ADGRV1: variants seen among roughly 807,000 people sequenced by gnomAD.
ADGRV1 encodes adhesion G protein-coupled receptor V1, also known as G-protein coupled receptor 98.
A neutral mutation model predicts 596.2 loss-of-function variants in ADGRV1; 359 were observed. The ratio of observed to expected loss-of-function variants is 0.60; its 90% CI spans 0.55 to 0.66. ADGRV1 has a LOEUF of 0.66. Among genes scored for constraint, ADGRV1 ranks in the 30% least tolerant of loss-of-function variants. ADGRV1 has a pLI of 0.00. For missense variants in ADGRV1, 7,274 were observed against 7,575.6 expected, an observed-to-expected ratio of 0.96 and a Z score of 1.48; for synonymous variants, 2,681 against 2,679.2, an observed-to-expected ratio of 1.00 and a Z score of -0.02.
chr5:90,596,095 T>C (rs1760503520), intron 1 of ADGRV1, among the ~76,000 whole-genome samples: 1 of 144,120 alleles, frequency 6.9e-6, no homozygotes, highest in African/African-American at 2.7e-5. Flanking sequence ...GCAGAGACGC[T>C]CCTCAACTCC....
intron 78 of ADGRV1, among the ~76,000 whole-genome samples, chr5:90,845,416 G>GT (rs1200272370): frequency 2.0e-4 from 30 of 151,264 alleles, no homozygotes; most frequent in East Asian, 1.2e-3. Flanking sequence ...AAGAAACTTT[G>GT]TTTTTTTTTA....
At chr5:90,724,753 CATT>C in intron 45 of ADGRV1, 76 bp from the exon 46 acceptor site, 1 of 1,294,110 alleles carries the variant, frequency 7.7e-7, no homozygotes, top group Non-Finnish European at 1.1e-6. Context: ...GCACTTGTCT[CATT>C]GTTTAAACAA....
chr5:90,898,341 G>A (rs753148504), intron 83 of ADGRV1, among the ~76,000 whole-genome samples: 2 of 152,074 alleles, frequency 1.3e-5, no homozygotes, highest in Non-Finnish European at 2.9e-5. Flanking sequence ...GAGGATCCTG[G>A]CAATTTCAGT....
At chr5:91,035,861 T>TTATATATATA (rs1554202360) in intron 85 of ADGRV1, among the ~76,000 whole-genome samples, 1 of 96,400 alleles carries the variant, frequency 1.0e-5, no homozygotes, top group African/African-American at 3.8e-5. Context: ...TATATATATA[T>TTATATATATA]TATATATATA....
chr5:90,732,091 CAT>C (rs1429519606), intron 50 of ADGRV1, among the ~76,000 whole-genome samples: 1 of 152,122 alleles, frequency 6.6e-6, no homozygotes, highest in Non-Finnish European at 1.5e-5. Flanking sequence ...GCCTTGAACA[CAT>C]GAGTTCAAGC....
chr5:90,946,520 C>T (rs958319009), intron 83 of ADGRV1, among the ~76,000 whole-genome samples: 3 of 152,002 alleles, frequency 2.0e-5, no homozygotes, highest in Non-Finnish European at 2.9e-5. Flanking sequence ...CGTAGGTAAA[C>T]GTGTGCTATG....
chr5:90,629,334 GA>G lies in ADGRV1; in HGVS notation c.1635del (p.Thr547LeufsTer5). On this transcript the variant is annotated frameshift_variant, in exon 9 of 90. Coordinates refer to ENST00000405460, the MANE Select transcript of ADGRV1 (RefSeq NM_032119.4). LOFTEE classifies it high-confidence loss of function. ...TTATCCTTGAGTTTTACAAGACTAGGAGGGACTAAAGGAGATGTGAGGTTGC... is the reference window on the plus strand; with the variant it reads ...TTATCCTTGAGTTTTACAAGACTAGGGGGACTAAAGGAGATGTGAGGTTGC... ...RYLSLSFTRL[G>X]GTKGDVRLLY... The G allele has an allele frequency of 1.2e-6, 2 of 1,613,642 alleles. No homozygotes were observed. The highest frequency in any genetic ancestry group is 1.7e-6 in the Non-Finnish European group (2 of 1,179,804).
intron 84 of ADGRV1, among the ~76,000 whole-genome samples, chr5:90,973,029 G>A (rs891418159): frequency 2.0e-5 from 3 of 152,094 alleles, no homozygotes; most frequent in Admixed American, 6.5e-5. Context: ...TATCACCACC[G>A]ATCCCACAGA....
chr5:90,776,004 G>T (rs917658684), intron 60 of ADGRV1, among the ~76,000 whole-genome samples: 6 of 152,150 alleles, frequency 3.9e-5, no homozygotes, highest in African/African-American at 1.4e-4. Context: ...ATTTGACACA[G>T]GTTTATAAAT....
At chr5:90,746,101 A>G (rs1385468347) in intron 52 of ADGRV1, among the ~76,000 whole-genome samples, 1 of 152,166 alleles carries the variant, frequency 6.6e-6, no homozygotes, top group Non-Finnish European at 1.5e-5. Flanking sequence ...CTCTGCTGTT[A>G]GCTGTTACCA....
At chr5:90,831,619 G>A (rs186595615) in intron 77 of ADGRV1, among the ~76,000 whole-genome samples, 12 of 151,560 alleles carry the variant, frequency 7.9e-5, no homozygotes, top group Non-Finnish European at 1.5e-4. Context: ...AATTATTGTT[G>A]ACTATAGTCG....
chr5:90,585,906 G>A (rs1336546908), intron 1 of ADGRV1, among the ~76,000 whole-genome samples: 1 of 152,174 alleles, frequency 6.6e-6, no homozygotes. Flanking sequence ...CCCTCACCTT[G>A]CTCTGTCCTT....
chr5:90,834,331 G>A (rs926397959), intron 77 of ADGRV1, among the ~76,000 whole-genome samples: 5 of 152,226 alleles, frequency 3.3e-5, no homozygotes, highest in African/African-American at 9.6e-5. Flanking sequence ...GGATAGGACT[G>A]GTGTTGATAA....
intron 50 of ADGRV1, among the ~76,000 whole-genome samples, chr5:90,742,186 A>G (rs1463203410): frequency 6.6e-6 from 1 of 152,248 alleles, no homozygotes; most frequent in African/African-American, 2.4e-5. Context: ...GATATTATGT[A>G]TAATCATACA....
intron 83 of ADGRV1, among the ~76,000 whole-genome samples, chr5:90,885,605 T>G (rs1035658254): frequency 2.0e-5 from 3 of 152,108 alleles, no homozygotes; most frequent in South Asian, 4.1e-4. Flanking sequence ...TGATAAGCTT[T>G]GAGAGGAGAT....
At chr5:91,060,137 A>G (rs932662187) in intron 85 of ADGRV1, among the ~76,000 whole-genome samples, 8 of 152,154 alleles carry the variant, frequency 5.3e-5, no homozygotes, top group African/African-American at 1.9e-4. Context: ...TGATGGACAT[A>G]TAACCTCATC....
intron 85 of ADGRV1, among the ~76,000 whole-genome samples, chr5:91,021,149 T>C (rs1783599963): frequency 1.3e-5 from 2 of 152,148 alleles, no homozygotes; most frequent in Admixed American, 6.6e-5. Flanking sequence ...AGTTAACTTA[T>C]TGTTGGAACT....
chr5:91,135,194 A>AT (rs1247454803), intron 87 of ADGRV1, among the ~76,000 whole-genome samples: 1 of 150,384 alleles, frequency 6.6e-6, no homozygotes, highest in Non-Finnish European at 1.5e-5. Flanking sequence ...AAAAAAAAAA[A>AT]GGAAAATTTA....
chr5:91,157,696 T>C (rs1429048269), intron 89 of ADGRV1, among the ~76,000 whole-genome samples: 3 of 152,206 alleles, frequency 2.0e-5, no homozygotes, highest in Non-Finnish European at 4.4e-5. Context: ...ATTCCTAGTG[T>C]ACAGTTCAAC....
Sources: gnomAD v4.1 joint callset for allele counts (sites outside exome capture counted in the v4.1 genomes callset) on GRCh38, gnomAD v4.1.1 for gene constraint, MANE v1.5 for transcripts, NCBI Gene and HGNC (gene_info 2026-07-23, HGNC 2026-07-21) for gene names.